AMOTL1: variants seen among roughly 807,000 people sequenced by gnomAD.
The protein encoded by AMOTL1 is angiomotin-like protein 1.
A neutral mutation model predicts 102.9 loss-of-function variants in AMOTL1; 45 were observed. The observed-to-expected ratio is 0.44, with a 90% confidence interval of 0.34 to 0.56. The LOEUF is 0.56. Among genes scored for constraint, AMOTL1 ranks in the 20% least tolerant of loss-of-function variants. The probability of loss-of-function intolerance (pLI) is 0.01; values close to 1 mark genes in which losing one functional copy is unlikely to be tolerated. For missense variants in AMOTL1, 1,114 were observed against 1,225.6 expected, an observed-to-expected ratio of 0.91 and a Z score of 1.36; for synonymous variants, 481 against 484.7, an observed-to-expected ratio of 0.99 and a Z score of 0.10.
At chr11:94,813,647 C>T (rs1951718881) in intron 3 of AMOTL1, among the ~76,000 whole-genome samples, 1 of 152,178 alleles carries the variant, frequency 6.6e-6, no homozygotes, top group Non-Finnish European at 1.5e-5. Flanking sequence ...ATTTGTGCCC[C>T]TTCCACACTG....
At position 94,854,038 on chromosome 11, in the gene AMOTL1, C is replaced by T. The variant is rs1277589489; in HGVS notation, c.1900C>T (p.Arg634Trp). 10 of 1,561,686 alleles carry T rather than the reference C, an allele frequency of 6.4e-6. No individual in the cohort carries two copies. Among genetic ancestry groups the T allele is most frequent in the Non-Finnish European group, 8.7e-6 (10 of 1,151,816 alleles). Residue 634 changes from arginine (R) to tryptophan (W), a missense_variant, in exon 8 of 13, where the codon CGG (arginine) becomes TGG (tryptophan). By Grantham distance (101) the Arg-to-Trp change is moderately radical. Transcript: ENST00000433060. ...EKREQMERRL[R>W]TWLERELDAL... is the part of the protein sequence containing the mutation. The stretch of plus-strand genomic sequence containing the variant: ...GCGAGAACAGATGGAGCGGAGACTG[C>T]GGACTTGGCTGGAGAGAGAGCTGGA...
At position 94,876,218 on chromosome 11, in the gene AMOTL1, G is replaced by A. The variant is rs1227070624; in HGVS notation, c.*5423G>A. On this transcript the variant is annotated 3_prime_UTR_variant, in exon 13 of 13. Transcript: ENST00000433060. ...CCACATTGGTTTTATTTGAATCAAG[G>A]TGTTTTTTTGTTTTTTGTTTTTTTT... The A allele has an allele frequency of 6.6e-6, 1 of 152,612 alleles. No homozygotes were observed. Among genetic ancestry groups the A allele is most frequent in the Non-Finnish European group, 1.5e-5 (1 of 68,032 alleles). 9.5% of individuals were successfully genotyped at this position (152,612 alleles called of 1,614,324 possible).
intron 6 of AMOTL1, among the ~76,000 whole-genome samples, chr11:94,833,994 C>G (rs1952123762): frequency 6.6e-6 from 1 of 152,154 alleles, no homozygotes; most frequent in Non-Finnish European, 1.5e-5. Context: ...ACCCACAGCT[C>G]AGTGAGCAGG....
At chr11:94,739,478 T>G (rs751322261) in intron 2 of AMOTL1, among the ~76,000 whole-genome samples, 1 of 152,174 alleles carries the variant, frequency 6.6e-6, no homozygotes, top group Non-Finnish European at 1.5e-5. Flanking sequence ...CTTTCTGTCC[T>G]TCATGGTGAT....
At position 94,870,776 on chromosome 11, in the gene AMOTL1, T is replaced by A. The variant is rs1952981837; in HGVS notation, c.2852T>A (p.Met951Lys). ...LHKPEFPDGE[M>K]MEVLI ...AAGCCCGAGTTCCCTGATGGAGAGA[T>A]GATGGAAGTCCTCATCTAACTGCCA... Residue 951 changes from methionine (M) to lysine (K), a missense_variant, in exon 13 of 13, where the codon ATG becomes AAG. By Grantham distance (95) the Met-to-Lys change is moderately conservative (BLOSUM62 -1). Transcript: ENST00000433060. 6.3e-7 allele frequency: 1 copy of A among 1,599,186 alleles called. No homozygotes were observed. Among genetic ancestry groups the A allele is most frequent in the Admixed American group, 1.7e-5 (1 of 58,828 alleles).
At chr11:94,741,009 T>G in intron 3 of AMOTL1, 1 of 1,288,570 alleles carries the variant, frequency 7.8e-7, no homozygotes, top group Non-Finnish European at 1.0e-6. Flanking sequence ...TCATTTTGTC[T>G]TTTATTTCTT....
intron 6 of AMOTL1, among the ~76,000 whole-genome samples, chr11:94,842,271 C>T (rs16921075): frequency 0.016 from 2,359 of 152,160 alleles, 65 homozygotes; most frequent in African/African-American, 0.054. Flanking sequence ...AGGGTTTCGA[C>T]GCACCGTGAA....
intron 6 of AMOTL1, among the ~76,000 whole-genome samples, chr11:94,846,391 G>C (rs1952411588): frequency 6.6e-6 from 1 of 152,138 alleles, no homozygotes; most frequent in South Asian, 2.1e-4. Flanking sequence ...ACATTCATCG[G>C]GAACTTACTA....
intron 3 of AMOTL1, among the ~76,000 whole-genome samples, chr11:94,806,881 A>C (rs1951576872): frequency 6.6e-6 from 1 of 152,154 alleles, no homozygotes; most frequent in South Asian, 2.1e-4. Flanking sequence ...TACATGACCA[A>C]AGGGGTCCAG....
upstream of AMOTL1, among the ~76,000 whole-genome samples, chr11:94,764,320 A>G (rs144930057): frequency 5.3e-4 from 81 of 152,368 alleles, no homozygotes; most frequent in African/African-American, 1.9e-3. Context: ...AGTGGATTCT[A>G]GGACTGCACC....
intron 5 of AMOTL1, among the ~76,000 whole-genome samples, chr11:94,831,250 C>T (rs532836488): frequency 3.9e-4 from 60 of 152,274 alleles, no homozygotes; most frequent in African/African-American, 1.3e-3. Context: ...CATTAGATCG[C>T]ATAAAGACAC....
rs574084462 is a variant in AMOTL1, at chr11:94,729,053, C to T, written c.83C>T (p.Ala28Val). 76 of 1,289,002 alleles carry T rather than the reference C, an allele frequency of 5.9e-5. 1 individual carries two copies. In the East Asian group the frequency reaches 1.8e-3, roughly 30 times the overall value. The allele number at this position is 1,289,002 out of a possible 1,614,324, so 79.8% of individuals were successfully genotyped here. A position where few individuals can be genotyped will look rare whatever the true frequency, so the allele number is the denominator to read the frequency against. Reference sequence around the variant, plus strand: ...ATTCATCATTTTGCCAGCACCAGAGCGGGTAAGGCCGTTTTTGATGTCCCT... The same window carrying T: ...ATTCATCATTTTGCCAGCACCAGAGTGGGTAAGGCCGTTTTTGATGTCCCT... Residue 28 changes from alanine (A) to valine (V), a missense_variant and splice_region_variant, in exon 2 of 5, where the codon GCG (alanine) becomes GTG (valine). Physicochemically the swap from Ala to Val is moderately conservative, Grantham distance 64. Coordinates refer to the AMOTL1 transcript ENST00000299004.
chr11:94,808,961 CTTTCTTTTTTTTTT>C (rs951641075), intron 3 of AMOTL1, among the ~76,000 whole-genome samples: 1 of 121,016 alleles, frequency 8.3e-6, no homozygotes, highest in African/African-American at 3.0e-5. Context: ...TCTTTTCTTT[CTTTCTTTTTTTTTT>C]TTTTTTTTTT....
intron 7 of AMOTL1, among the ~76,000 whole-genome samples, chr11:94,850,741 A>T (rs1952519100): frequency 6.6e-6 from 1 of 152,214 alleles, no homozygotes; most frequent in Non-Finnish European, 1.5e-5. Context: ...CAGCTGCCTC[A>T]CACCTTCCAG....
In AMOTL1 at chr11:94,719,148, G is replaced by A. The variant is rs930094093; in HGVS notation, c.-50-9773G>A. Among the ~76,000 whole-genome samples, 18 of 151,978 alleles carry A rather than the reference G, an allele frequency of 1.2e-4. No individual in the cohort carries two copies. The East Asian group carries it at 3.3e-3, about 28-fold the overall frequency. On this transcript the variant is annotated intron_variant, in intron 1 of 4. Transcript: ENST00000299004. ...CTTTATTTCCCCACTAATTTGAAAT[G>A]CCAATTTTTTTCATATACTACATCA...
chr11:94,802,953 G>T (rs1217298810), intron 3 of AMOTL1, among the ~76,000 whole-genome samples: 1 of 152,170 alleles, frequency 6.6e-6, no homozygotes, highest in Admixed American at 6.5e-5. Flanking sequence ...TTATCTGTTT[G>T]TCATTGATCG....
At chr11:94,839,897 A>G (rs1361194781) in intron 6 of AMOTL1, among the ~76,000 whole-genome samples, 1 of 152,244 alleles carries the variant, frequency 6.6e-6, no homozygotes, top group Non-Finnish European at 1.5e-5. Flanking sequence ...GCTGTGACTT[A>G]ATACTAATGT....
chr11:94,775,364 G>A (rs1187991988), intron 1 of AMOTL1, among the ~76,000 whole-genome samples: 1 of 152,170 alleles, frequency 6.6e-6, no homozygotes, highest in Non-Finnish European at 1.5e-5. Context: ...ATGTTTTGGA[G>A]GCTGATTGAT....
intron 4 of AMOTL1, 107 bp downstream of exon 4, chr11:94,821,928 C>A: frequency 7.1e-7 from 1 of 1,408,756 alleles, no homozygotes; most frequent in African/African-American, 1.4e-5. Context: ...CCTTTTTATA[C>A]TAGGCCCTGT....
Sources: allele counts gnomAD v4.1 joint callset (sites outside exome capture counted in the v4.1 genomes callset), GRCh38; gene constraint gnomAD v4.1.1; transcripts MANE v1.5; gene names NCBI Gene and HGNC (gene_info 2026-07-23, HGNC 2026-07-21).